Variants in FRMD6 observed in about 807,000 individuals in gnomAD.
FRMD6 encodes the protein FERM domain containing 6.
FRMD6 carries 37 observed loss-of-function variants against 73.2 expected under a neutral mutation model. The ratio of observed to expected loss-of-function variants is 0.51; its 90% CI spans 0.39 to 0.66. The LOEUF (loss-of-function observed/expected upper bound fraction) is 0.66, where lower values mean the gene tolerates loss of function less well. Ranked by LOEUF, FRMD6 falls within the 30% of genes least tolerant of loss-of-function variation. FRMD6 has a pLI of 0.00. For missense variants in FRMD6, 714 were observed against 780.5 expected (o/e 0.91, Z 1.02); for synonymous variants, 273 against 282.2 (o/e 0.97, Z 0.33).
In FRMD6 at chr14:51,557,623, T is replaced by G. The variant is rs139542850; in HGVS notation, c.-209-12725T>G. Among the ~76,000 whole-genome samples, 233 of 152,338 alleles carry G rather than the reference T, an allele frequency of 1.5e-3. 1 individual carries two copies. The highest frequency in any genetic ancestry group is 5.0e-3 in the African/African-American group (208 of 41,574). On this transcript the variant is annotated intron_variant, in intron 1 of 14. Coordinates refer to the FRMD6 transcript ENST00000356218. ...ACACGGTTACTAGAATTAGTAACAA[T>G]GTATTGTATACTTGAAAATTGCTAA...
At chr14:51,397,779 T>G in the FRMD6 span, among the ~76,000 whole-genome samples, 2 of 152,156 alleles carry the variant, frequency 1.3e-5, no homozygotes. Context: ...CAGTCAAAAG[T>G]TTGTTTCGTG....
At chr14:51,568,469 A>T (rs1268882609) in intron 1 of FRMD6, among the ~76,000 whole-genome samples, 1 of 152,216 alleles carries the variant, frequency 6.6e-6, no homozygotes, top group Non-Finnish European at 1.5e-5. Flanking sequence ...CTTTGTCCCT[A>T]TGTGGAAGTG....
chr14:51,497,594 AG>A (rs1883379808), intron 1 of FRMD6, among the ~76,000 whole-genome samples: 1 of 152,338 alleles, frequency 6.6e-6, no homozygotes, highest in Admixed American at 6.5e-5. Flanking sequence ...TAAAAGAGTA[AG>A]AAGAAACAGA....
chr14:51,637,720 A>T (rs945988702), intron 2 of FRMD6: 3 of 152,228 alleles, frequency 2.0e-5, no homozygotes, highest in Admixed American at 1.3e-4. Context: ...AAGTCACAAG[A>T]AGGATTTCAT....
intron 1 of FRMD6, among the ~76,000 whole-genome samples, chr14:51,557,128 A>C (rs1887177739): frequency 1.3e-5 from 2 of 152,088 alleles, no homozygotes; most frequent in Admixed American, 1.3e-4. Flanking sequence ...TGAAAAGAGG[A>C]AAAGAAGAAG....
chr14:51,706,702 G>C (rs1896644045), intron 6 of FRMD6, among the ~76,000 whole-genome samples: 1 of 151,790 alleles, frequency 6.6e-6, no homozygotes, highest in South Asian at 2.1e-4. Flanking sequence ...GACCATCTAG[G>C]TGCCCAGTGC....
intron 1 of FRMD6, among the ~76,000 whole-genome samples, chr14:51,515,654 G>A (rs1038620407): frequency 4.6e-5 from 7 of 152,130 alleles, no homozygotes; most frequent in African/African-American, 1.7e-4. Context: ...CAGTAGCCAG[G>A]ACACCAATTT....
chr14:51,582,492 G>A (rs1234130072), intron 2 of FRMD6, among the ~76,000 whole-genome samples: 1 of 152,118 alleles, frequency 6.6e-6, no homozygotes, highest in Non-Finnish European at 1.5e-5. Flanking sequence ...ACCCACCATG[G>A]CTTCCAAAGG....
chr14:51,440,503 A>G, the FRMD6 span, among the ~76,000 whole-genome samples: 1 of 152,200 alleles, frequency 6.6e-6, no homozygotes, highest in South Asian at 2.1e-4. Context: ...GTTGAATCCA[A>G]CTTCCCTTGT....
At chr14:51,536,468 A>C (rs113338838) in intron 1 of FRMD6, among the ~76,000 whole-genome samples, 68 of 151,346 alleles carry the variant, frequency 4.5e-4, no homozygotes, top group African/African-American at 1.5e-3. Flanking sequence ...CCCAGGCTGG[A>C]GTGCAATGGC....
At chr14:51,569,507 CTTTTTTTT>C (rs34661155) in intron 1 of FRMD6, among the ~76,000 whole-genome samples, 1 of 122,800 alleles carries the variant, frequency 8.1e-6, no homozygotes, top group Non-Finnish European at 1.7e-5. Flanking sequence ...TTCTTTCTTT[CTTTTTTTT>C]TTTTTTTTTT....
chr14:51,531,368 T>C (rs1470414034), intron 1 of FRMD6, among the ~76,000 whole-genome samples: 1 of 152,004 alleles, frequency 6.6e-6, no homozygotes, highest in African/African-American at 2.4e-5. Flanking sequence ...CAAGCCAAAA[T>C]TGAGGGATAA....
At chr14:51,410,728 G>T in the FRMD6 span, among the ~76,000 whole-genome samples, 1 of 152,182 alleles carries the variant, frequency 6.6e-6, no homozygotes, top group Non-Finnish European at 1.5e-5. Flanking sequence ...GTCTTGTCAG[G>T]CCTTTTTCTC....
intron 1 of FRMD6, among the ~76,000 whole-genome samples, chr14:51,544,051 G>A (rs1278131070): frequency 2.0e-5 from 3 of 151,908 alleles, no homozygotes; most frequent in Non-Finnish European, 4.4e-5. Context: ...AGCTTCAACA[G>A]TTATCAAAAA....
At position 51,507,195 on chromosome 14, in the gene FRMD6, C is replaced by T. The variant is rs1298707524; in HGVS notation, c.-210+17775C>T. 4.0e-5 allele frequency among the ~76,000 whole-genome samples: 6 copies of T among 151,770 alleles called. No homozygotes were observed. In the East Asian group the frequency reaches 7.7e-4, roughly 20 times the overall value. ...CAGGGAAAGCAGCCTTAGCTACGGTCGGCTAACCCTGACTTCTGGTTCCCA... is the reference window on the plus strand; with the variant it reads ...CAGGGAAAGCAGCCTTAGCTACGGTTGGCTAACCCTGACTTCTGGTTCCCA... On this transcript the variant is annotated intron_variant, in intron 1 of 14. Coordinates refer to the FRMD6 transcript ENST00000356218.
chr14:51,539,054 T>A (rs1460029780), intron 1 of FRMD6, among the ~76,000 whole-genome samples: 2 of 152,148 alleles, frequency 1.3e-5, no homozygotes, highest in African/African-American at 4.8e-5. Flanking sequence ...AGGTATTGGT[T>A]TTAATGGGCT....
the FRMD6 span, among the ~76,000 whole-genome samples, chr14:51,402,641 C>CTTTT: frequency 7.8e-6 from 1 of 128,406 alleles, no homozygotes; most frequent in Non-Finnish European, 1.6e-5. Flanking sequence ...TTTTTCTTTT[C>CTTTT]TTTTTTTTTT....
the FRMD6 span, among the ~76,000 whole-genome samples, chr14:51,437,130 C>T: frequency 2.0e-4 from 30 of 152,144 alleles, no homozygotes; most frequent in Non-Finnish European, 3.8e-4. Context: ...TGCTATCCCT[C>T]CCCCGGGCCC....
At chr14:51,661,462 A>G (rs116396370) in intron 1 of FRMD6, among the ~76,000 whole-genome samples, 1,836 of 152,306 alleles carry the variant, frequency 0.012, 43 homozygotes, top group African/African-American at 0.042. Context: ...AGAATGAACT[A>G]TGAGTTGTTT....
Sources: gnomAD v4.1 joint callset for allele counts (sites outside exome capture counted in the v4.1 genomes callset) on GRCh38, gnomAD v4.1.1 for gene constraint, MANE v1.5 for transcripts, NCBI Gene and HGNC (gene_info 2026-07-23, HGNC 2026-07-21) for gene names.